MARCO: variants seen among roughly 807,000 people sequenced by gnomAD.
The protein encoded by MARCO is macrophage receptor with collagenous structure.
MARCO carries 72 observed loss-of-function variants against 70.0 expected under a neutral mutation model. That is an observed-to-expected ratio of 1.03 (90% CI 0.85 to 1.25). The LOEUF (loss-of-function observed/expected upper bound fraction) is 1.25. MARCO is among the 50% of genes most tolerant of loss of function. The pLI, the probability that MARCO is intolerant of heterozygous loss-of-function variation, is 0.00. For synonymous variants in MARCO, 273 were observed against 243.1 expected, an observed-to-expected ratio of 1.12 and a Z score of -1.14; for missense variants, 696 against 659.3, an observed-to-expected ratio of 1.06 and a Z score of -0.61.
At chr2:118,985,601 G>T (rs1158244896) in intron 12 of MARCO, among the ~76,000 whole-genome samples, 1 of 152,102 alleles carries the variant, frequency 6.6e-6, no homozygotes, top group East Asian at 1.9e-4. Context: ...ACCCTGTCCA[G>T]CCTCCATCAC....
At chr2:118,947,116 A>G (rs1384911391) in intron 1 of MARCO, among the ~76,000 whole-genome samples, 2 of 152,126 alleles carry the variant, frequency 1.3e-5, no homozygotes, top group African/African-American at 4.8e-5. Flanking sequence ...TGTAACTTGC[A>G]TTGTTATGTT....
At chr2:118,994,174 G>A (rs143046438) in intron 16 of MARCO, among the ~76,000 whole-genome samples, 15 of 146,070 alleles carry the variant, frequency 1.0e-4, no homozygotes, top group African/African-American at 3.0e-4. Flanking sequence ...AGAATAGAAC[G>A]GAGGCAAAGT....
chr2:118,986,643 A>AAAAG (rs1680498190), intron 12 of MARCO, among the ~76,000 whole-genome samples: 1 of 47,670 alleles, frequency 2.1e-5, no homozygotes, highest in Non-Finnish European at 3.7e-5. Context: ...GAAAGAAAGA[A>AAAAG]AGAAAGAAAG....
intron 6 of MARCO, 47 bp downstream of exon 6, chr2:118,974,612 C>T (rs376698687): frequency 1.5e-5 from 23 of 1,570,162 alleles, no homozygotes; most frequent in African/African-American, 2.7e-5. Flanking sequence ...GCAAGTTTCT[C>T]AGAGTGACTG....
intron 16 of MARCO, among the ~76,000 whole-genome samples, chr2:118,993,718 G>A (rs1040469167): frequency 6.6e-6 from 1 of 152,248 alleles, no homozygotes; most frequent in Non-Finnish European, 1.5e-5. Context: ...TGACCAGCAA[G>A]CAGTCTTGGC....
intron 1 of MARCO, chr2:118,944,792 G>A (rs1679564625): frequency 6.6e-6 from 1 of 151,988 alleles, no homozygotes; most frequent in Non-Finnish European, 1.5e-5. Flanking sequence ...CTTAAAAAAA[G>A]GATGAGGAGT....
intron 12 of MARCO, among the ~76,000 whole-genome samples, chr2:118,986,709 GAA>G (rs1196397958): frequency 1.1e-5 from 1 of 89,756 alleles, no homozygotes; most frequent in Admixed American, 1.0e-4. Context: ...AAGAAAGAAA[GAA>G]AGAAAGAAAG....
chr2:118,947,409 C>T (rs1679622436), intron 1 of MARCO, among the ~76,000 whole-genome samples: 1 of 152,172 alleles, frequency 6.6e-6, no homozygotes, highest in South Asian at 2.1e-4. Context: ...CTCATGGGCT[C>T]ATGTGATCTT....
chr2:118,983,765 T>C (rs1680435967), intron 12 of MARCO, among the ~76,000 whole-genome samples: 1 of 152,076 alleles, frequency 6.6e-6, no homozygotes, highest in Non-Finnish European at 1.5e-5. Flanking sequence ...ATGGAGATGA[T>C]TGCTTTCATC....
At chr2:118,984,697 T>G (rs2104601228) in intron 12 of MARCO, among the ~76,000 whole-genome samples, 1 of 152,322 alleles carries the variant, frequency 6.6e-6, no homozygotes, top group African/African-American at 2.4e-5. Context: ...GCTAATAAAC[T>G]TCCGGAGAGA....
intron 1 of MARCO, among the ~76,000 whole-genome samples, chr2:118,946,812 C>T (rs935457318): frequency 5.3e-5 from 8 of 152,206 alleles, no homozygotes; most frequent in African/African-American, 1.9e-4. Flanking sequence ...TTTCTGCAAC[C>T]TCGTCAACAT....
chr2:118,962,102 T>C (rs1383245095), intron 1 of MARCO, among the ~76,000 whole-genome samples: 1 of 152,230 alleles, frequency 6.6e-6, no homozygotes, highest in Non-Finnish European at 1.5e-5. Context: ...ACCAGTACTA[T>C]GCTGTTTTGG....
chr2:118,952,988 G>C (rs1210423848), intron 1 of MARCO: 1 of 152,220 alleles, frequency 6.6e-6, no homozygotes, highest in Admixed American at 6.6e-5. Context: ...GAGAACACTT[G>C]AACAAAGGAA....
At chr2:118,957,870 C>T (rs976147219) in intron 1 of MARCO, among the ~76,000 whole-genome samples, 18 of 152,100 alleles carry the variant, frequency 1.2e-4, no homozygotes, top group Admixed American at 3.3e-4. Context: ...AAATTTGATA[C>T]ACCACATAAA....
chr2:118,981,572 G>A (rs779451145), intron 9 of MARCO, 49 bp from the exon 10 acceptor site: 1 of 1,571,436 alleles, frequency 6.4e-7, no homozygotes, highest in South Asian at 1.2e-5. Context: ...TTTTCTGGCT[G>A]GCTGAGCCAA....
chr2:118,970,054 A>C, intron 2 of MARCO, 60 bp from the exon 3 acceptor site: 3 of 1,378,436 alleles, frequency 2.2e-6, no homozygotes, highest in Non-Finnish European at 3.1e-6. Flanking sequence ...TGACACAAGA[A>C]TGTCAGGGAT....
Position 118,974,509 on chromosome 2 carries a change from T to C in MARCO, c.569-12T>C. On this transcript the variant is annotated splice_polypyrimidine_tract_variant and intron_variant, in intron 5 of 16. Transcript: ENST00000327097. ...TTCTCTGGCTTCACTCTGAATTCCCTTTCCCTTCCAGGCCCCTCGGGACCC... is the reference window on the plus strand; with the variant it reads ...TTCTCTGGCTTCACTCTGAATTCCCCTTCCCTTCCAGGCCCCTCGGGACCC... 6.2e-7 allele frequency: 1 copy of C among 1,613,934 alleles called. No homozygotes were observed. Among genetic ancestry groups the C allele is most frequent in the African/African-American group, 1.3e-5 (1 of 75,042 alleles).
intron 1 of MARCO, among the ~76,000 whole-genome samples, chr2:118,963,285 T>A (rs919106611): frequency 2.6e-5 from 4 of 151,230 alleles, no homozygotes; most frequent in Admixed American, 1.3e-4. Context: ...TTTAATATAT[T>A]GTATTTTCAT....
At chr2:118,972,973 T>C (rs1680201508) in intron 4 of MARCO, among the ~76,000 whole-genome samples, 1 of 152,194 alleles carries the variant, frequency 6.6e-6, no homozygotes, top group African/African-American at 2.4e-5. Context: ...AATATAGATG[T>C]GCGTACATAG....
Sources: gnomAD v4.1 joint callset for allele counts (sites outside exome capture counted in the v4.1 genomes callset) on GRCh38, gnomAD v4.1.1 for gene constraint, MANE v1.5 for transcripts, NCBI Gene and HGNC (gene_info 2026-07-23, HGNC 2026-07-21) for gene names.